The following TESK2 variants were observed in gnomAD, a reference collection of about 807,000 sequenced individuals.
The protein encoded by TESK2 is testis associated actin remodelling kinase 2.
A neutral mutation model predicts 57.1 loss-of-function variants in TESK2; 39 were observed. The ratio of observed to expected loss-of-function variants is 0.68; its 90% CI spans 0.53 to 0.89. The LOEUF is 0.89. Ranked by LOEUF, TESK2 falls within the 40% of genes least tolerant of loss-of-function variation. TESK2 has a pLI of 0.00. For synonymous variants in TESK2, 249 were observed against 267.9 expected (o/e 0.93, Z 0.69); for missense variants, 646 against 732.1 (o/e 0.88, Z 1.36).
At chr1:45,349,656 C>T (rs1309548962) in intron 5 of TESK2, among the ~76,000 whole-genome samples, 1 of 152,020 alleles carries the variant, frequency 6.6e-6, no homozygotes, top group Admixed American at 6.5e-5. Context: ...CTGCCTGGTT[C>T]CCATTCTTCA....
chr1:45,373,741 A>G lies in TESK2; in HGVS notation c.393+12171T>C, dbSNP rs575247771. On this transcript the variant is annotated intron_variant, in intron 4 of 10. Transcript: ENST00000372086. ...CCAGGATAACAAGAAAAGACCACAT[A>G]AAGAGAAAGAGAAAGTAAATACAGA... 6.6e-5 allele frequency among the ~76,000 whole-genome samples: 10 copies of G among 152,340 alleles called. No homozygotes were observed. The East Asian group carries it at 1.7e-3, about 26-fold the overall frequency.
intron 3 of TESK2, among the ~76,000 whole-genome samples, chr1:45,402,486 CTTT>C (rs577207332): frequency 7.0e-6 from 1 of 142,118 alleles, no homozygotes; most frequent in Admixed American, 7.0e-5. Flanking sequence ...ACTATTTTTT[CTTT>C]TTTTTTTTTT....
chr1:45,363,792 T>C (rs1320717009), intron 4 of TESK2, among the ~76,000 whole-genome samples: 3 of 152,024 alleles, frequency 2.0e-5, no homozygotes, highest in Non-Finnish European at 4.4e-5. Context: ...CAGTATAATA[T>C]AGTGGTGACT....
At chr1:45,488,622 T>C (rs1653582276) in intron 1 of TESK2, among the ~76,000 whole-genome samples, 1 of 152,242 alleles carries the variant, frequency 6.6e-6, no homozygotes, top group Admixed American at 6.5e-5. Context: ...AGAGGGATAC[T>C]GACATGTTAA....
intron 1 of TESK2, among the ~76,000 whole-genome samples, chr1:45,460,782 A>T (rs1205155538): frequency 1.3e-5 from 2 of 152,182 alleles, no homozygotes; most frequent in African/African-American, 4.8e-5. Flanking sequence ...TAATAATTTT[A>T]AAAACCAAAT....
chr1:45,350,226 G>C (rs1023259167), intron 5 of TESK2, among the ~76,000 whole-genome samples: 1 of 152,164 alleles, frequency 6.6e-6, no homozygotes, highest in African/African-American at 2.4e-5. Context: ...GCTGACAAGA[G>C]ACTCAAAAGG....
chr1:45,374,100 T>A (rs1218345195), intron 4 of TESK2, among the ~76,000 whole-genome samples: 1 of 152,238 alleles, frequency 6.6e-6, no homozygotes, highest in East Asian at 1.9e-4. Context: ...ACTTTCTAAA[T>A]CCTTCTGCTG....
intron 3 of TESK2, among the ~76,000 whole-genome samples, chr1:45,409,649 G>A (rs1031178213): frequency 7.2e-5 from 11 of 152,196 alleles, no homozygotes; most frequent in African/African-American, 2.7e-4. Context: ...GGCTAGAGTA[G>A]TAAGTGTAGA....
At chr1:45,455,834 C>G (rs937364939) in intron 2 of TESK2, among the ~76,000 whole-genome samples, 1 of 151,896 alleles carries the variant, frequency 6.6e-6, no homozygotes, top group East Asian at 1.9e-4. Flanking sequence ...TACATAGAGA[C>G]AACTCTATGG....
chr1:45,355,502 G>A, intron 4 of TESK2, 53 bp from the exon 5 acceptor site: 2 of 1,569,494 alleles, frequency 1.3e-6, no homozygotes, highest in South Asian at 1.2e-5. Context: ...ATTTAGGCTA[G>A]TGGTGAAACC....
At position 45,414,619 on chromosome 1, in the gene TESK2, T is replaced by C. The variant is rs143110423; in HGVS notation, c.344+7106A>G. On this transcript the variant is annotated intron_variant, in intron 3 of 10. Transcript: ENST00000372086. The stretch of plus-strand genomic sequence containing the variant: ...AGGAGATATGGAATAGGAATGGTAA[T>C]GTTGGTCTCATCACAACCCTACATG... 4.6e-3 allele frequency among the ~76,000 whole-genome samples: 700 copies of C among 152,280 alleles called. 3 individuals carry two copies. Among genetic ancestry groups the C allele is most frequent in the African/African-American group, 0.016 (675 of 41,558 alleles).
At chr1:45,450,249 C>T (rs1012897077) in intron 2 of TESK2, among the ~76,000 whole-genome samples, 1 of 152,154 alleles carries the variant, frequency 6.6e-6, no homozygotes, top group African/African-American at 2.4e-5. Context: ...CAGTGGCTCA[C>T]GCCTGTAATC....
intron 4 of TESK2, among the ~76,000 whole-genome samples, chr1:45,374,699 C>G (rs764743860): frequency 1.3e-5 from 2 of 152,134 alleles, no homozygotes; most frequent in Non-Finnish European, 2.9e-5. Flanking sequence ...AGGTATCACT[C>G]AGAGTACTCC....
chr1:45,369,715 T>TC (rs1192497950), intron 4 of TESK2, among the ~76,000 whole-genome samples: 1 of 151,412 alleles, frequency 6.6e-6, no homozygotes, highest in Admixed American at 6.6e-5. Context: ...AGATAATTTT[T>TC]CTTTTTTTTT....
chr1:45,422,662 T>A (rs773074647), intron 2 of TESK2, among the ~76,000 whole-genome samples: 3 of 150,038 alleles, frequency 2.0e-5, no homozygotes, highest in Non-Finnish European at 4.5e-5. Context: ...CAGGCTGGTC[T>A]CAAACTCTTG....
intron 4 of TESK2, among the ~76,000 whole-genome samples, chr1:45,362,753 T>C (rs1351165337): frequency 6.6e-6 from 1 of 152,172 alleles, no homozygotes; most frequent in Admixed American, 6.5e-5. Flanking sequence ...GAAAGATTCA[T>C]CCATCCTTCT....
chr1:45,443,632 T>C (rs1368208606), intron 2 of TESK2, among the ~76,000 whole-genome samples: 4 of 150,704 alleles, frequency 2.7e-5, no homozygotes, highest in Non-Finnish European at 5.9e-5. Context: ...ACACTCTAAT[T>C]GTAAAGTAAT....
chr1:45,391,058 T>C (rs1376781389), intron 3 of TESK2, among the ~76,000 whole-genome samples: 1 of 151,458 alleles, frequency 6.6e-6, no homozygotes, highest in South Asian at 2.1e-4. Context: ...GCTGGAACTA[T>C]AGGCGCATGC....
intron 1 of TESK2, among the ~76,000 whole-genome samples, chr1:45,463,065 A>G (rs2149301742): frequency 6.6e-6 from 1 of 152,216 alleles, no homozygotes; most frequent in Admixed American, 6.5e-5. Context: ...TCTTTTGCCC[A>G]TTTTTTAATC....
Sources: gnomAD v4.1 joint callset for allele counts (sites outside exome capture counted in the v4.1 genomes callset) on GRCh38, gnomAD v4.1.1 for gene constraint, MANE v1.5 for transcripts, NCBI Gene and HGNC (gene_info 2026-07-23, HGNC 2026-07-21) for gene names.